The following PLCB4 variants were observed in gnomAD, a reference collection of about 807,000 sequenced individuals.
PLCB4 encodes the protein 1-phosphatidylinositol 4,5-bisphosphate phosphodiesterase beta-4.
In PLCB4, 77 loss-of-function variants were observed where a neutral mutation model predicts 178.8. The ratio of observed to expected loss-of-function variants is 0.43; its 90% CI spans 0.36 to 0.52. The LOEUF (loss-of-function observed/expected upper bound fraction) is 0.52. Among genes scored for constraint, PLCB4 ranks in the 20% least tolerant of loss-of-function variants. The pLI, the probability that PLCB4 is intolerant of heterozygous loss-of-function variation, is 0.00. For synonymous variants in PLCB4, 496 were observed against 490.8 expected (o/e 1.01, Z -0.14); for missense variants, 1,024 against 1,453.4 (o/e 0.70, Z 4.80).
intron 12 of PLCB4, among the ~76,000 whole-genome samples, chr20:9,378,986 C>T (rs1051563776): frequency 4.6e-5 from 7 of 152,024 alleles, no homozygotes; most frequent in African/African-American, 1.2e-4. Context: ...TTTTTCAGTC[C>T]GTGCATATAT....
chr20:9,363,032 T>C (rs1329488762), intron 8 of PLCB4, 57 bp downstream of exon 8: 6 of 1,191,750 alleles, frequency 5.0e-6, no homozygotes, highest in Non-Finnish European at 7.5e-6. Flanking sequence ...AATGGTCAGA[T>C]GAAGAGATGA....
chr20:9,075,093 AATAGC>A (rs1479464594), intron 1 of PLCB4, among the ~76,000 whole-genome samples: 1 of 152,136 alleles, frequency 6.6e-6, no homozygotes, highest in African/African-American at 2.4e-5. Flanking sequence ...AGTGTGTCCT[AATAGC>A]ATCTCCAGTT....
At chr20:9,276,463 A>G (rs539239195) in intron 3 of PLCB4, among the ~76,000 whole-genome samples, 78 of 152,174 alleles carry the variant, frequency 5.1e-4, no homozygotes, top group African/African-American at 1.8e-3. Context: ...CTGAGTTTTC[A>G]GGAAATAGTA....
chr20:9,235,222 GC>G (rs2093980315), intron 3 of PLCB4, among the ~76,000 whole-genome samples: 1 of 152,126 alleles, frequency 6.6e-6, no homozygotes, highest in African/African-American at 2.4e-5. Context: ...CAATCATTGG[GC>G]AGGGAAGGGG....
intron 2 of PLCB4, among the ~76,000 whole-genome samples, chr20:9,139,682 C>A (rs2092449323): frequency 6.6e-6 from 1 of 151,680 alleles, no homozygotes; most frequent in South Asian, 2.1e-4. Flanking sequence ...GACTTCCCAG[C>A]AGGAGGAGTG....
intron 3 of PLCB4, among the ~76,000 whole-genome samples, chr20:9,274,378 C>T (rs943909105): frequency 6.6e-6 from 1 of 151,896 alleles, no homozygotes; most frequent in Admixed American, 6.6e-5. Context: ...CTTTAAGTTG[C>T]CGTAAAAAAG....
chr20:9,198,973 A>G (rs1777051951), intron 2 of PLCB4, among the ~76,000 whole-genome samples: 1 of 152,172 alleles, frequency 6.6e-6, no homozygotes, highest in Non-Finnish European at 1.5e-5. Context: ...CAAAGTTGAG[A>G]GGGATATCAC....
At chr20:9,117,314 T>A (rs1203260636) in intron 2 of PLCB4, among the ~76,000 whole-genome samples, 1 of 152,230 alleles carries the variant, frequency 6.6e-6, no homozygotes, top group Non-Finnish European at 1.5e-5. Context: ...TCAAAGGGTG[T>A]GAACATATTT....
At chr20:9,410,147 G>A (rs551561122) in intron 24 of PLCB4, among the ~76,000 whole-genome samples, 1 of 152,318 alleles carries the variant, frequency 6.6e-6, no homozygotes, top group South Asian at 2.1e-4. Context: ...ATGAGTGTGA[G>A]CTGACTGTGC....
intron 7 of PLCB4, among the ~76,000 whole-genome samples, chr20:9,359,221 G>A (rs1272527618): frequency 5.9e-5 from 9 of 152,236 alleles, no homozygotes; most frequent in Admixed American, 4.6e-4. Context: ...TAATGTTCCC[G>A]GGGCAAAGGT....
chr20:9,111,240 G>A lies in PLCB4; in HGVS notation c.-79+14898G>A, dbSNP rs73895555. On this transcript the variant is annotated intron_variant, in intron 2 of 39. Coordinates refer to ENST00000378473, the MANE Select transcript of PLCB4 (RefSeq NM_001377142.1). ...GTTATTGGACAGAGAACTGGCTTTG[G>A]CCCTGCACCCACTAATGTTGTAATG... Among the ~76,000 whole-genome samples the A allele has an allele frequency of 7.1e-3, 1,074 of 152,270 alleles. 11 individuals are homozygous for A. The highest frequency in any genetic ancestry group is 0.024 in the African/African-American group (1,011 of 41,562).
intron 2 of PLCB4, among the ~76,000 whole-genome samples, chr20:9,186,645 C>T (rs968573740): frequency 6.6e-6 from 1 of 152,182 alleles, no homozygotes; most frequent in East Asian, 1.9e-4. Flanking sequence ...AGCGGTTTGC[C>T]ATGTGCCAAA....
At chr20:9,294,070 T>C (rs1174688519) in intron 3 of PLCB4, among the ~76,000 whole-genome samples, 1 of 152,166 alleles carries the variant, frequency 6.6e-6, no homozygotes, top group Non-Finnish European at 1.5e-5. Context: ...AACATAATCT[T>C]TCTCCTCAGC....
intron 13 of PLCB4, among the ~76,000 whole-genome samples, chr20:9,383,847 A>C (rs868849137): frequency 2.6e-5 from 4 of 152,230 alleles, no homozygotes; most frequent in African/African-American, 4.8e-5. Context: ...ACAGAAGAAG[A>C]AGCTGAGATC....
At position 9,214,278 on chromosome 20, in the gene PLCB4, T is replaced by A. The variant is rs138400941; in HGVS notation, c.-78-3112T>A. Among the ~76,000 whole-genome samples the A allele has an allele frequency of 3.7e-3, 558 of 152,310 alleles. 3 individuals are homozygous for A. The highest frequency in any genetic ancestry group is 0.012 in the African/African-American group (516 of 41,566). On this transcript the variant is annotated intron_variant, in intron 2 of 39. Transcript: ENST00000378473. ...TATAGTTTTACTTCTGTGATTCACT[T>A]GGAGCTAATTTTTGTCCATGTTGTG...
chr20:9,158,063 T>C (rs1374661953), intron 2 of PLCB4, among the ~76,000 whole-genome samples: 1 of 152,192 alleles, frequency 6.6e-6, no homozygotes, highest in Non-Finnish European at 1.5e-5. Context: ...ATTTTACAGA[T>C]GAGGGAACCA....
Position 9,076,937 on chromosome 20 carries a change from C to T in PLCB4, c.-135+7731C>T, listed in dbSNP as rs181298212. 4.4e-3 allele frequency among the ~76,000 whole-genome samples: 668 copies of T among 152,154 alleles called. 6 individuals carry two copies. Among genetic ancestry groups the T allele is most frequent in the African/African-American group, 0.015 (629 of 41,488 alleles). Reference sequence around the variant, plus strand: ...GCAAAATGCAAAGTACCCTTTTCCACCTACACCCATTCCCAGATACAGTCA... The same window carrying T: ...GCAAAATGCAAAGTACCCTTTTCCATCTACACCCATTCCCAGATACAGTCA... On this transcript the variant is annotated intron_variant, in intron 1 of 39. Transcript: ENST00000378473.
intron 15 of PLCB4, among the ~76,000 whole-genome samples, chr20:9,387,814 C>G (rs2037802953): frequency 1.3e-5 from 2 of 152,192 alleles, no homozygotes. Context: ...TTTTACTTAC[C>G]TTAGAAACAG....
chr20:9,251,783 T>C (rs1399299002), intron 3 of PLCB4, among the ~76,000 whole-genome samples: 2 of 152,168 alleles, frequency 1.3e-5, no homozygotes, highest in African/African-American at 4.8e-5. Flanking sequence ...GTTTAAAAAA[T>C]ACATAATGCT....
Sources: gnomAD v4.1 joint callset for allele counts (sites outside exome capture counted in the v4.1 genomes callset) on GRCh38, gnomAD v4.1.1 for gene constraint, MANE v1.5 for transcripts, NCBI Gene and HGNC (gene_info 2026-07-23, HGNC 2026-07-21) for gene names.